The following UBE3B variants were observed in gnomAD, a reference collection of about 807,000 sequenced individuals.
The protein encoded by UBE3B is ubiquitin-protein ligase E3B.
A neutral mutation model predicts 132.3 loss-of-function variants in UBE3B; 80 were observed. The observed-to-expected ratio is 0.60, with a 90% confidence interval of 0.50 to 0.73. UBE3B has a LOEUF of 0.73. Among genes scored for constraint, UBE3B ranks in the 30% least tolerant of loss-of-function variants. The pLI is 0.00. For missense variants in UBE3B, 1,196 were observed against 1,362.5 expected, an observed-to-expected ratio of 0.88 and a Z score of 1.92; for synonymous variants, 487 against 520.4, an observed-to-expected ratio of 0.94 and a Z score of 0.87.
the UBE3B span, among the ~76,000 whole-genome samples, chr12:109,546,778 C>T: frequency 2.0e-4 from 30 of 152,296 alleles, no homozygotes; most frequent in Non-Finnish European, 3.2e-4. Context: ...GGCACGATCT[C>T]GGCTCGCTGC....
intron 18 of UBE3B, among the ~76,000 whole-genome samples, chr12:109,515,948 G>A (rs951308420): frequency 6.6e-6 from 1 of 152,160 alleles, no homozygotes; most frequent in Non-Finnish European, 1.5e-5. Context: ...GAGGAGGCAG[G>A]TTGAAAGGTC....
At chr12:109,517,031 G>T in intron 19 of UBE3B, 147 bp downstream of exon 19, 2 of 1,284,410 alleles carry the variant, frequency 1.6e-6, no homozygotes, top group Non-Finnish European at 2.1e-6. Context: ...GGGGTCATTT[G>T]TCCTGTTGAC....
At chr12:109,537,050 A>G (rs1883478624), downstream of UBE3B, among the ~76,000 whole-genome samples, 1 of 152,040 alleles carries the variant, frequency 6.6e-6, no homozygotes, top group Non-Finnish European at 1.5e-5. Flanking sequence ...GGGTTTTGCC[A>G]TGTCACCCAG....
chr12:109,537,295 C>T (rs758272839), downstream of UBE3B, among the ~76,000 whole-genome samples: 16 of 152,218 alleles, frequency 1.1e-4, 1 homozygote, highest in African/African-American at 2.7e-4. Context: ...GACACGCAGC[C>T]GTTCTCACTG....
chr12:109,510,001 A>G (rs977298628), intron 16 of UBE3B, among the ~76,000 whole-genome samples: 1 of 152,182 alleles, frequency 6.6e-6, no homozygotes, highest in Non-Finnish European at 1.5e-5. Context: ...TGATTCTTCC[A>G]TTTGATTTCC....
chr12:109,533,362 A>C, intron 26 of UBE3B, 104 bp from the exon 27 acceptor site: 1 of 1,116,338 alleles, frequency 9.0e-7, no homozygotes, highest in Non-Finnish European at 1.4e-6. Flanking sequence ...CAGCAGTTAC[A>C]ACACGGTAAC....
chr12:109,513,532 A>C (rs1214807574), intron 18 of UBE3B, among the ~76,000 whole-genome samples: 1 of 152,226 alleles, frequency 6.6e-6, no homozygotes, highest in East Asian at 1.9e-4. Flanking sequence ...TTGGGACCTA[A>C]CTACCTAGTA....
Position 109,534,123 on chromosome 12 carries a change from T to C in UBE3B, c.3016-468T>C. The stretch of plus-strand genomic sequence containing the variant: ...CTCTGGGTGTAGCTGCCTCTCATGA[T>C]GCAGTTTGAGCCCGTGATGCCACCT... On this transcript the variant is annotated intron_variant, in intron 27 of 27. Transcript: ENST00000342494. This position sits in a 1 kb window ranked among gnomAD's most constrained non-coding sequence, Gnocchi z 5.2. 7.7e-7 allele frequency: 1 copy of C among 1,295,030 alleles called. No individual in the cohort carries two copies. The highest frequency in any genetic ancestry group is 1.2e-5 in the South Asian group (1 of 80,910). The allele number at this position is 1,295,030 out of a possible 1,614,324, so 80.2% of individuals were successfully genotyped here.
chr12:109,534,570 G>A lies in UBE3B; in HGVS notation c.3016-21G>A. ...CCAAACTAGGCCCTTCCCAATTCAAGGCCACGATGTGTGCCTTCAGGACAC... is the reference window on the plus strand; with the variant it reads ...CCAAACTAGGCCCTTCCCAATTCAAAGCCACGATGTGTGCCTTCAGGACAC... On this transcript the variant is annotated intron_variant, in intron 27 of 27. Transcript: ENST00000342494. This position sits in a 1 kb window ranked among gnomAD's most constrained non-coding sequence, Gnocchi z 5.2. The A allele has an allele frequency of 6.3e-7, 1 of 1,585,358 alleles. No individual in the cohort carries two copies. Among genetic ancestry groups the A allele is most frequent in the Non-Finnish European group, 8.6e-7 (1 of 1,165,784 alleles).
intron 14 of UBE3B, among the ~76,000 whole-genome samples, chr12:109,505,982 C>G (rs1336669544): frequency 6.6e-6 from 1 of 152,212 alleles, no homozygotes; most frequent in East Asian, 1.9e-4. Flanking sequence ...CATTTCAGAT[C>G]CAGCCTTTCT....
intron 24 of UBE3B, among the ~76,000 whole-genome samples, chr12:109,527,279 C>T (rs1246489465): frequency 6.6e-6 from 1 of 152,188 alleles, no homozygotes; most frequent in Non-Finnish European, 1.5e-5. Context: ...AGAAGCAAAA[C>T]CTCTCAGTGC....
chr12:109,489,506 C>T (rs574639065), intron 7 of UBE3B, among the ~76,000 whole-genome samples: 15 of 152,288 alleles, frequency 9.8e-5, no homozygotes, highest in Middle Eastern at 3.4e-3. Context: ...TCAGGCATGA[C>T]CCTGGCCTCT....
intron 26 of UBE3B, among the ~76,000 whole-genome samples, chr12:109,533,148 G>A (rs1001521615): frequency 2.9e-4 from 44 of 152,270 alleles, no homozygotes; most frequent in Non-Finnish European, 4.9e-4. Context: ...CCTGCCTCTC[G>A]GGGACGCCTC....
chr12:109,546,805 G>C, the UBE3B span, among the ~76,000 whole-genome samples: 5 of 152,270 alleles, frequency 3.3e-5, no homozygotes, highest in East Asian at 5.8e-4. Context: ...TGCCTCCTGG[G>C]CTCAGGTGAT....
chr12:109,520,956 C>T (rs1373857253), intron 19 of UBE3B, 192 bp from the exon 20 acceptor site: 4 of 589,848 alleles, frequency 6.8e-6, no homozygotes, highest in Non-Finnish European at 8.7e-6. Flanking sequence ...TGTCACATCC[C>T]CAAATGAATC....
intron 17 of UBE3B, 104 bp downstream of exon 17, chr12:109,510,562 C>A: frequency 1.1e-6 from 1 of 887,050 alleles, no homozygotes; most frequent in Non-Finnish European, 1.8e-6. Context: ...CTTTTTCCCT[C>A]TGCTTCATTT....
downstream of UBE3B, among the ~76,000 whole-genome samples, chr12:109,538,747 A>G (rs1018415807): frequency 6.6e-6 from 1 of 152,222 alleles, no homozygotes; most frequent in Admixed American, 6.5e-5. This position sits in a 1 kb window ranked among gnomAD's most constrained non-coding sequence, Gnocchi z 4.1. Flanking sequence ...TGTTGCACTT[A>G]GGCAAGATCG....
Position 109,483,706 on chromosome 12 carries a change from A to T in UBE3B, c.155A>T (p.Asp52Val), listed in dbSNP as rs762970554. ...SFLCRSRLQR[D>V]IRREIDDFFK... ...CTCTGTCGGAGTCGACTGCAGAGAG[A>T]TATCAGGTAAGGGCTAGGATCTCCC... is the stretch of plus-strand genomic sequence containing the variant. The change falls in exon 3 of 28, where the codon GAT (aspartate) becomes GTT (valine). Residue 52 changes from aspartate to valine, a missense_variant. Coordinates refer to ENST00000342494, the MANE Select transcript of UBE3B (RefSeq NM_130466.4). 2 of 1,601,972 alleles carry T rather than the reference A, an allele frequency of 1.2e-6. No homozygotes were observed. The highest frequency in any genetic ancestry group is 8.5e-7 in the Non-Finnish European group (1 of 1,175,034).
intron 2 of UBE3B, among the ~76,000 whole-genome samples, chr12:109,482,614 A>AT (rs1262941297): frequency 6.6e-6 from 1 of 152,192 alleles, no homozygotes; most frequent in Non-Finnish European, 1.5e-5. Context: ...AACTGGGCTG[A>AT]TTGTGCATTT....
Sources: gnomAD v4.1 joint callset for allele counts (sites outside exome capture counted in the v4.1 genomes callset) on GRCh38, gnomAD v4.1.1 for gene constraint, Gnocchi (gnomAD v3.1) non-coding constraint, MANE v1.5 for transcripts, NCBI Gene and HGNC (gene_info 2026-07-23, HGNC 2026-07-21) for gene names.